Variants in ZNF777 observed in about 807,000 individuals in gnomAD.
ZNF777 encodes the protein zinc finger protein 777.
A neutral mutation model predicts 72.1 loss-of-function variants in ZNF777; 7 were observed. The observed-to-expected ratio is 0.10, with a 90% CI of 0.06 to 0.18. The LOEUF is 0.18. ZNF777 is among the 10% of genes least tolerant of loss of function. The pLI, the probability that ZNF777 is intolerant of heterozygous loss-of-function variation, is 1.00. For missense variants in ZNF777, 828 were observed against 1,128.6 expected (o/e 0.73, Z 3.82); for synonymous variants, 545 against 483.5 (o/e 1.13, Z -1.67).
rs1799419462 is a variant in ZNF777, at chr7:149,436,749, G to A, written c.1165C>T (p.Leu389=). ...GSESLETPEP[L]MGQVEEHGFQ... ...CCGTGCTCTTCCACCTGTCCCATCA[G>A]GGGCTCAGGTGTCTCCAAACTTTCT... Residue 389 remains leucine, a synonymous_variant, in exon 5 of 6, where the codon CTG becomes TTG. Transcript: ENST00000247930. This position sits in a 1 kb window ranked among gnomAD's most constrained non-coding sequence, Gnocchi z 5.0. 38 of 1,614,144 alleles carry A rather than the reference G, an allele frequency of 2.4e-5. No individual in the cohort carries two copies. Among genetic ancestry groups the A allele is most frequent in the Non-Finnish European group, 3.2e-5 (38 of 1,180,018 alleles).
At chr7:149,457,190 C>T (rs1304905774) in intron 1 of ZNF777, among the ~76,000 whole-genome samples, 1 of 152,226 alleles carries the variant, frequency 6.6e-6, no homozygotes, top group East Asian at 1.9e-4. Flanking sequence ...GCCATACTCA[C>T]ATCGAGAGAA....
rs765915375 is a variant in ZNF777 at position 149,436,572 on chromosome 7, C to T, written c.1339+3G>A. On this transcript the variant is annotated splice_donor_region_variant and intron_variant, in intron 5 of 5. Transcript: ENST00000247930. The surrounding 1 kb of genome is among the most constrained non-coding windows in gnomAD (Gnocchi z 5.0). The stretch of plus-strand genomic sequence containing the variant: ...TCCCCGGCCGTCCCCGCCCAGCACT[C>T]ACCCGTGCAGTTCCTCTGCTGCACC... The T allele has an allele frequency of 1.3e-6, 2 of 1,596,550 alleles. No homozygotes were observed. Among genetic ancestry groups the T allele is most frequent in the Non-Finnish European group, 8.5e-7 (1 of 1,170,874 alleles).
chr7:149,450,185 A>C (rs1472985724), intron 4 of ZNF777, among the ~76,000 whole-genome samples: 1 of 152,208 alleles, frequency 6.6e-6, no homozygotes, highest in African/African-American at 2.4e-5. Context: ...AAGTGATGCA[A>C]GTCCAAAGGC....
At chr7:149,451,190 C>T (rs1442712375) in intron 3 of ZNF777, 78 bp from the exon 4 acceptor site, 10 of 1,298,324 alleles carry the variant, frequency 7.7e-6, no homozygotes, top group African/African-American at 7.3e-5. Context: ...TCTGTGGGCA[C>T]GTGATTCCAG....
intron 5 of ZNF777, among the ~76,000 whole-genome samples, chr7:149,434,873 C>A (rs1799385438): frequency 6.6e-6 from 1 of 152,188 alleles, no homozygotes; most frequent in African/African-American, 2.4e-5. Context: ...TAGGCATGAG[C>A]CACCGCTCCT....
At chr7:149,456,069 A>G (rs2116608482) in intron 1 of ZNF777, 32 bp from the exon 2 acceptor site, 1 of 1,517,570 alleles carries the variant, frequency 6.6e-7, no homozygotes, top group South Asian at 1.3e-5. Flanking sequence ...AAAGAGGATT[A>G]AAGGCCACAG....
At chr7:149,451,563 A>G (rs879909043) in intron 3 of ZNF777, among the ~76,000 whole-genome samples, 2 of 152,004 alleles carry the variant, frequency 1.3e-5, no homozygotes, top group Non-Finnish European at 2.9e-5. Context: ...GTGGTGGCGG[A>G]TGCCTGTAAT....
chr7:149,457,204 C>T (rs115777518), intron 1 of ZNF777, among the ~76,000 whole-genome samples: 2,756 of 152,278 alleles, frequency 0.018, 85 homozygotes, highest in African/African-American at 0.063. Flanking sequence ...GAGAGAATTC[C>T]TGAATCACTG....
intron 1 of ZNF777, chr7:149,459,711 G>A (rs1799907204): frequency 2.0e-6 from 2 of 985,142 alleles, no homozygotes; most frequent in Non-Finnish European, 2.4e-6. Context: ...CTGTGCCTCA[G>A]TGTCTCCGTT....
intron 3 of ZNF777, among the ~76,000 whole-genome samples, chr7:149,453,559 G>A (rs956490982): frequency 4.6e-5 from 7 of 152,184 alleles, no homozygotes; most frequent in South Asian, 2.1e-4. Flanking sequence ...TCGGGGTAAG[G>A]CAGATCTCCA....
In ZNF777 at chr7:149,455,736, G is replaced by A. The variant is rs1229915240; in HGVS notation, c.287C>T (p.Pro96Leu). 6.3e-7 allele frequency: 1 copy of A among 1,582,834 alleles called. No homozygotes were observed. Residue 96 changes from proline to leucine, a missense_variant, in exon 2 of 6, where the codon CCC (proline) becomes CTC (leucine). By Grantham distance (98) the Pro-to-Leu change is moderately conservative (BLOSUM62 -3). Coordinates refer to ENST00000247930, the MANE Select transcript of ZNF777 (RefSeq NM_015694.3). This position sits in a 1 kb window ranked among gnomAD's most constrained non-coding sequence, Gnocchi z 4.2. ...ASEQETSLQG[P>L]LASQEGTQYP... is the part of the protein sequence containing the mutation. Reference sequence around the variant, plus strand: ...CTGGGTCCCTTCCTGGGAAGCCAGGGGGCCCTGGAGAGAAGTCTCTTGCTC... The same window carrying A: ...CTGGGTCCCTTCCTGGGAAGCCAGGAGGCCCTGGAGAGAAGTCTCTTGCTC...
At chr7:149,459,880 T>C in intron 1 of ZNF777, 1 of 980,852 alleles carries the variant, frequency 1.0e-6, no homozygotes, top group Non-Finnish European at 1.2e-6. Context: ...CGGGGCCGCG[T>C]GTGTGCCGGG....
intron 2 of ZNF777, 55 bp from the exon 3 acceptor site, chr7:149,454,292 C>A: frequency 6.2e-7 from 1 of 1,606,888 alleles, no homozygotes; most frequent in Non-Finnish European, 8.5e-7. Flanking sequence ...GACAGGCCCA[C>A]GGCTGGCCAA....
chr7:149,443,595 T>G (rs935358629), intron 4 of ZNF777, among the ~76,000 whole-genome samples: 1 of 152,238 alleles, frequency 6.6e-6, no homozygotes, highest in Non-Finnish European at 1.5e-5. Context: ...AAGTTATACA[T>G]GCACATAGGC....
chr7:149,445,261 T>C (rs1449681525), intron 4 of ZNF777, among the ~76,000 whole-genome samples: 1 of 152,214 alleles, frequency 6.6e-6, no homozygotes, highest in African/African-American at 2.4e-5. Context: ...GGATTTTACA[T>C]GTGAGTATTC....
intron 4 of ZNF777, among the ~76,000 whole-genome samples, chr7:149,441,011 C>T (rs1418887975): frequency 6.6e-6 from 1 of 152,182 alleles, no homozygotes; most frequent in East Asian, 1.9e-4. Flanking sequence ...GCCTGCTCCT[C>T]TTTGTGGCAC....
chr7:149,454,092 A>G lies in ZNF777; in HGVS notation c.973+19T>C, dbSNP rs1393796379. 4 of 1,613,906 alleles carry G rather than the reference A, an allele frequency of 2.5e-6. No individual in the cohort carries two copies. The African/African-American group carries it at 5.3e-5, about 22-fold the overall frequency. On this transcript the variant is annotated intron_variant, in intron 3 of 5. Coordinates refer to ENST00000247930, the MANE Select transcript of ZNF777 (RefSeq NM_015694.3). ...GCTGGCGTCCAGGCAGCCCCCAGCG[A>G]GCGAAGGCTTCTCCTTACCCATGGA...
At chr7:149,453,287 GAAA>G (rs1324393454) in intron 3 of ZNF777, among the ~76,000 whole-genome samples, 3 of 151,878 alleles carry the variant, frequency 2.0e-5, no homozygotes, top group Admixed American at 6.6e-5. Context: ...ATTAAAAAAA[GAAA>G]AAAGAATTTT....
rs372268112 is a variant in ZNF777 at position 149,432,830 on chromosome 7, C to T, written c.1442G>A (p.Arg481Lys). 5.6e-5 allele frequency: 90 copies of T among 1,596,082 alleles called. No homozygotes were observed. In the East Asian group the frequency reaches 1.0e-3, roughly 18 times the overall value. The change falls in exon 6 of 6, where the codon AGA (arginine) becomes AAA (lysine). Residue 481 changes from arginine (R) to lysine (K), a missense_variant. Arg to Lys is a conservative substitution (Grantham distance 26, BLOSUM62 2). Around this residue, in one of 12 missense-constraint regions of ZNF777, gnomAD observed 219 missense variants for 223.0 expected, o/e 0.98. Transcript: ENST00000247930. ...HLQSLGQLSG[R>K]YEASMYQTPL... is the part of the protein sequence containing the mutation. ...GGTCTGGTACATACTGGCCTCATAT[C>T]TCCCGGACAGCTGCCCAAGGGATTG...
Sources: gnomAD v4.1 joint callset for allele counts (sites outside exome capture counted in the v4.1 genomes callset) on GRCh38, gnomAD v4.1.1 for gene constraint, gnomAD v4.1.1 regional missense constraint, Gnocchi (gnomAD v3.1) non-coding constraint, MANE v1.5 for transcripts, NCBI Gene and HGNC (gene_info 2026-07-23, HGNC 2026-07-21) for gene names.